SLC9A4: variants seen among roughly 807,000 people sequenced by gnomAD.
SLC9A4 encodes solute carrier family 9 member A4.
A neutral mutation model predicts 67.4 loss-of-function variants in SLC9A4; 63 were observed. The ratio of observed to expected loss-of-function variants is 0.93; its 90% confidence interval spans 0.76 to 1.15. The LOEUF (loss-of-function observed/expected upper bound fraction) is 1.15. Ranked by LOEUF, SLC9A4 falls within the 50% of genes most tolerant of loss-of-function variation. The pLI, the probability that SLC9A4 is intolerant of heterozygous loss-of-function variation, is 0.00. For synonymous variants in SLC9A4, 393 were observed against 367.2 expected, an observed-to-expected ratio of 1.07 and a Z score of -0.80; for missense variants, 1,089 against 987.7, an observed-to-expected ratio of 1.10 and a Z score of -1.38.
chr2:102,514,280 C>T (rs750464838), intron 8 of SLC9A4, 29 bp downstream of exon 8: 2 of 1,543,332 alleles, frequency 1.3e-6, no homozygotes, highest in South Asian at 1.2e-5. Context: ...TTGTTCTAAA[C>T]TTTCACTGTC....
At chr2:102,480,895 C>T (rs12617718) in intron 2 of SLC9A4, among the ~76,000 whole-genome samples, 5 of 152,132 alleles carry the variant, frequency 3.3e-5, no homozygotes, top group African/African-American at 1.2e-4. Flanking sequence ...ACAGAGGCTG[C>T]GCTTGGGAAC....
intron 2 of SLC9A4, among the ~76,000 whole-genome samples, chr2:102,485,888 G>A (rs937682418): frequency 2.6e-5 from 4 of 152,162 alleles, no homozygotes; most frequent in African/African-American, 9.7e-5. Flanking sequence ...CTAAGGGTGG[G>A]ATAAAATCAG....
chr2:102,481,307 G>A (rs1182173282), intron 2 of SLC9A4, among the ~76,000 whole-genome samples: 1 of 152,096 alleles, frequency 6.6e-6, no homozygotes, highest in Non-Finnish European at 1.5e-5. Flanking sequence ...TCTTTGACAA[G>A]GGACATTGTT....
chr2:102,525,164 G>A lies in SLC9A4; in HGVS notation c.1950+9G>A. The A allele has an allele frequency of 1.2e-6, 2 of 1,613,856 alleles. No homozygotes were observed. The highest frequency in any genetic ancestry group is 1.7e-6 in the Non-Finnish European group (2 of 1,179,896). On this transcript the variant is annotated intron_variant, in intron 10 of 11. Coordinates refer to ENST00000295269, the MANE Select transcript of SLC9A4 (RefSeq NM_001011552.4). ...TGCCCTGGGGAAAGCCGGTACATTG[G>A]GGCTGGGGACTGGGACATTCCTTCA...
At chr2:102,524,697 C>T (rs1168348625) in intron 9 of SLC9A4, among the ~76,000 whole-genome samples, 3 of 152,040 alleles carry the variant, frequency 2.0e-5, no homozygotes, top group African/African-American at 7.2e-5. Flanking sequence ...ATTCACTGGC[C>T]TGGCATCAAA....
At position 102,479,241 on chromosome 2, in the gene SLC9A4, T is replaced by C. The variant is rs2104413276; in HGVS notation, c.659T>C (p.Val220Ala). The C allele has an allele frequency of 1.9e-6, 3 of 1,614,100 alleles. No individual in the cohort carries two copies. The highest frequency in any genetic ancestry group is 1.7e-6 in the Non-Finnish European group (2 of 1,180,016). Residue 220 changes from valine to alanine, a missense_variant, in exon 2 of 12, where the codon GTG becomes GCG. Coordinates refer to ENST00000295269, the MANE Select transcript of SLC9A4 (RefSeq NM_001011552.4). ...CTAGCCGTGTTTGAGGAAGCGCGCG[T>C]GAACGAGCAGCTCTACATGATGATC... ...AVLAVFEEAR[V>A]NEQLYMMIFG...
At chr2:102,512,313 AAGGTT>A in intron 7 of SLC9A4, 40 bp downstream of exon 7, 1 of 1,601,920 alleles carries the variant, frequency 6.2e-7, no homozygotes, top group East Asian at 2.2e-5. Context: ...CAAACTTCTA[AAGGTT>A]CCATTGGAAG....
chr2:102,527,089 T>C (rs3849363), intron 11 of SLC9A4, among the ~76,000 whole-genome samples: 1 of 152,036 alleles, frequency 6.6e-6, no homozygotes, highest in Non-Finnish European at 1.5e-5. Flanking sequence ...TTTTCTGATT[T>C]AAAAACATAC....
intron 6 of SLC9A4, 130 bp from the exon 7 acceptor site, chr2:102,512,073 C>T: frequency 1.2e-6 from 1 of 858,490 alleles, no homozygotes; most frequent in Admixed American, 2.3e-5. Context: ...TACATGAACA[C>T]AGTGATAGAA....
intron 2 of SLC9A4, among the ~76,000 whole-genome samples, chr2:102,479,664 C>T (rs1213899884): frequency 6.6e-6 from 1 of 152,196 alleles, no homozygotes; most frequent in Non-Finnish European, 1.5e-5. Flanking sequence ...TTTTTATTTC[C>T]TCTCCATCAT....
chr2:102,525,081 G>C lies in SLC9A4; in HGVS notation c.1876G>C (p.Glu626Gln), dbSNP rs764046542. Residue 626 changes from glutamate to glutamine, a missense_variant, in exon 10 of 12, where the codon GAG (glutamate) becomes CAG (glutamine). Physicochemically the swap from Glu to Gln is conservative, Grantham distance 29. Transcript: ENST00000295269. ...CCAAACAAGTGAGAAGCAGGCTAAA[G>C]AGATTCTGATCCGCCGCCAGAACAC... ...KPQTSEKQAK[E>Q]ILIRRQNTLR... The C allele has an allele frequency of 6.2e-7, 1 of 1,614,108 alleles. No homozygotes were observed. The highest frequency in any genetic ancestry group is 1.1e-5 in the South Asian group (1 of 91,080).
At position 102,473,539 on chromosome 2, in the gene SLC9A4, G is replaced by A; in HGVS notation, c.-221G>A. On this transcript the variant is annotated 5_prime_UTR_variant, in exon 1 of 12. Coordinates refer to ENST00000295269, the MANE Select transcript of SLC9A4 (RefSeq NM_001011552.4). ...AAGTCTATTGAATAACTGCATTTGA[G>A]TTGGAAGCTGAGTTGCCTGAACACA... 1 of 560,794 alleles carries A rather than the reference G, an allele frequency of 1.8e-6. No individual in the cohort carries two copies. The highest frequency in any genetic ancestry group is 2.5e-5 in the South Asian group (1 of 40,174). 34.7% of individuals were successfully genotyped at this position (560,794 alleles called of 1,614,324 possible). A position where few individuals can be genotyped will look rare whatever the true frequency, so the allele number is the denominator to read the frequency against.
intron 2 of SLC9A4, among the ~76,000 whole-genome samples, chr2:102,493,159 G>A (rs535538364): frequency 1.3e-5 from 2 of 152,138 alleles, no homozygotes; most frequent in African/African-American, 4.8e-5. Flanking sequence ...AGCCTTCCAA[G>A]TCTCTTGGAA....
chr2:102,509,229 G>A (rs1037334059), intron 6 of SLC9A4, among the ~76,000 whole-genome samples: 6 of 152,184 alleles, frequency 3.9e-5, no homozygotes, highest in African/African-American at 1.4e-4. Context: ...ACAGCTTCCA[G>A]AGGCTGCCTG....
At chr2:102,475,924 T>A (rs1427459964) in intron 1 of SLC9A4, among the ~76,000 whole-genome samples, 2 of 152,214 alleles carry the variant, frequency 1.3e-5, no homozygotes, top group African/African-American at 2.4e-5. Flanking sequence ...AAAACATGAA[T>A]CAGAATAAAA....
At chr2:102,510,007 C>T (rs1431222028) in intron 6 of SLC9A4, among the ~76,000 whole-genome samples, 2 of 147,152 alleles carry the variant, frequency 1.4e-5, no homozygotes, top group Non-Finnish European at 3.0e-5. Flanking sequence ...ATCATACTTC[C>T]TTTTTTTTTT....
chr2:102,485,812 CTG>C (rs1684576562), intron 2 of SLC9A4, among the ~76,000 whole-genome samples: 1 of 152,212 alleles, frequency 6.6e-6, no homozygotes, highest in African/African-American at 2.4e-5. Flanking sequence ...AGGGAGCAAA[CTG>C]GGGTGATTTT....
intron 4 of SLC9A4, among the ~76,000 whole-genome samples, chr2:102,507,245 G>T (rs370058852): frequency 1.3e-5 from 2 of 152,194 alleles, no homozygotes; most frequent in African/African-American, 4.8e-5. Context: ...CACTATCCAT[G>T]TGCCTATTAT....
chr2:102,493,834 G>A (rs1684753798), intron 2 of SLC9A4, among the ~76,000 whole-genome samples: 1 of 151,652 alleles, frequency 6.6e-6, no homozygotes, highest in Non-Finnish European at 1.5e-5. Flanking sequence ...AATTATGTTT[G>A]TGACAGAAAA....
Sources: allele counts gnomAD v4.1 joint callset (sites outside exome capture counted in the v4.1 genomes callset), GRCh38; gene constraint gnomAD v4.1.1; transcripts MANE v1.5; gene names NCBI Gene and HGNC (gene_info 2026-07-23, HGNC 2026-07-21).